TRAPPC9: variants seen among roughly 807,000 people sequenced by gnomAD.
TRAPPC9 encodes the protein IKK2 binding protein.
In TRAPPC9, 83 loss-of-function variants were observed where a neutral mutation model predicts 124.0. The ratio of observed to expected loss-of-function variants is 0.67; its 90% CI spans 0.56 to 0.80. TRAPPC9 has a LOEUF of 0.80. Ranked by LOEUF, TRAPPC9 falls within the 30% of genes least tolerant of loss-of-function variation. TRAPPC9 has a pLI of 0.00. For synonymous variants in TRAPPC9, 638 were observed against 617.5 expected (o/e 1.03, Z -0.49); for missense variants, 1,302 against 1,508.3 (o/e 0.86, Z 2.27).
At chr8:140,373,029 TACCTATG>T (rs937479156) in intron 7 of TRAPPC9, among the ~76,000 whole-genome samples, 5 of 152,228 alleles carry the variant, frequency 3.3e-5, no homozygotes, top group Admixed American at 3.3e-4. Flanking sequence ...CCCCACTGCC[TACCTATG>T]ACCTCACCAG....
chr8:139,846,565 T>G (rs749481726), intron 21 of TRAPPC9, among the ~76,000 whole-genome samples: 4 of 152,146 alleles, frequency 2.6e-5, no homozygotes, highest in Admixed American at 6.5e-5. Flanking sequence ...CCTAAAGAAA[T>G]TCACCCCCAC....
intron 16 of TRAPPC9, among the ~76,000 whole-genome samples, chr8:140,240,576 CTTCTT>C (rs1171137404): frequency 6.6e-6 from 1 of 152,154 alleles, no homozygotes; most frequent in Non-Finnish European, 1.5e-5. Flanking sequence ...GCCAACTTAC[CTTCTT>C]TTATTTTTTG....
intron 21 of TRAPPC9, among the ~76,000 whole-genome samples, chr8:139,842,063 C>T (rs1417584097): frequency 5.3e-5 from 8 of 152,222 alleles, no homozygotes; most frequent in East Asian, 3.8e-4. Flanking sequence ...GGAAAGAGAA[C>T]TCAGCAGAGG....
At chr8:140,093,109 C>A (rs192883851) in intron 17 of TRAPPC9, among the ~76,000 whole-genome samples, 2 of 152,026 alleles carry the variant, frequency 1.3e-5, no homozygotes, top group Admixed American at 1.3e-4. Flanking sequence ...CCCAAACACT[C>A]AAAAATCCTT....
chr8:139,797,523 G>C (rs1051727821), intron 21 of TRAPPC9, among the ~76,000 whole-genome samples: 2 of 152,038 alleles, frequency 1.3e-5, no homozygotes, highest in African/African-American at 4.8e-5. Flanking sequence ...ACCTCCCACA[G>C]TGCTGGGATT....
intron 6 of TRAPPC9, among the ~76,000 whole-genome samples, chr8:140,402,971 T>A (rs1158829680): frequency 1.3e-5 from 2 of 152,168 alleles, no homozygotes; most frequent in Non-Finnish European, 2.9e-5. Flanking sequence ...TAGATAATTA[T>A]AAAAATATTT....
intron 17 of TRAPPC9, among the ~76,000 whole-genome samples, chr8:140,125,260 C>A (rs2061069001): frequency 6.6e-6 from 1 of 152,172 alleles, no homozygotes. Flanking sequence ...AGGGAACCAC[C>A]AAGCTGGGTT....
chr8:140,021,922 T>C (rs1563695731), intron 18 of TRAPPC9, among the ~76,000 whole-genome samples: 2 of 152,214 alleles, frequency 1.3e-5, no homozygotes, highest in African/African-American at 4.8e-5. Flanking sequence ...AAAAGGTGTG[T>C]GCAGAAGCGC....
chr8:139,802,218 G>A (rs960214058), intron 21 of TRAPPC9, among the ~76,000 whole-genome samples: 2 of 152,194 alleles, frequency 1.3e-5, no homozygotes, highest in African/African-American at 4.8e-5. Flanking sequence ...AAATGTACTT[G>A]GAGTGAAGAC....
At chr8:140,141,257 G>A (rs2061378198) in intron 17 of TRAPPC9, among the ~76,000 whole-genome samples, 1 of 152,198 alleles carries the variant, frequency 6.6e-6, no homozygotes, top group Non-Finnish European at 1.5e-5. Context: ...TAAACAATTT[G>A]TAAGTTTTGG....
At chr8:139,784,606 GACATATATAT>G (rs1272760680) in intron 21 of TRAPPC9, among the ~76,000 whole-genome samples, 12 of 30,442 alleles carry the variant, frequency 3.9e-4, no homozygotes, top group African/African-American at 1.1e-3. Context: ...ATAAAAGACT[GACATATATAT>G]ATATATATAT....
intron 17 of TRAPPC9, among the ~76,000 whole-genome samples, chr8:140,085,078 G>A (rs1168893847): frequency 1.3e-5 from 2 of 152,204 alleles, no homozygotes; most frequent in African/African-American, 4.8e-5. Context: ...AGATGGGGGT[G>A]CAGGGAGAGC....
chr8:140,225,041 G>C, intron 16 of TRAPPC9, among the ~76,000 whole-genome samples: 1 of 152,332 alleles, frequency 6.6e-6, no homozygotes, highest in East Asian at 1.9e-4. Flanking sequence ...CACATATACT[G>C]TGAGGTTATA....
Position 140,087,990 on chromosome 8 carries a change from G to C in TRAPPC9, c.2557-63911C>G, listed in dbSNP as rs1844310258. On this transcript the variant is annotated intron_variant, in intron 17 of 22. Coordinates refer to ENST00000438773, the MANE Select transcript of TRAPPC9 (RefSeq NM_001160372.4). The surrounding 1 kb of genome is among the most constrained non-coding windows in gnomAD (Gnocchi z 4.6). ...TCTGCTTGGAAGATGTGGCTTACCA[G>C]AGCCCCTAGCTCTTTAGATGGCTAT... Among the ~76,000 whole-genome samples, 2 of 151,946 alleles carry C rather than the reference G, an allele frequency of 1.3e-5. No individual in the cohort carries two copies. The highest frequency in any genetic ancestry group is 2.4e-5 in the African/African-American group (1 of 41,368).
intron 19 of TRAPPC9, among the ~76,000 whole-genome samples, chr8:139,969,683 A>T (rs554184693): frequency 1.3e-5 from 2 of 152,338 alleles, no homozygotes; most frequent in Admixed American, 1.3e-4. Flanking sequence ...TGTCAGTGGG[A>T]TGCCGTGGAA....
At chr8:140,178,706 A>G (rs980859419) in intron 17 of TRAPPC9, among the ~76,000 whole-genome samples, 7 of 152,090 alleles carry the variant, frequency 4.6e-5, no homozygotes, top group African/African-American at 1.4e-4. Context: ...TTTCCTCTTT[A>G]TTATAATGTG....
intron 21 of TRAPPC9, among the ~76,000 whole-genome samples, chr8:139,785,480 G>C (rs553822485): frequency 6.6e-6 from 1 of 151,844 alleles, no homozygotes; most frequent in South Asian, 2.1e-4. Context: ...AGTGGATCGC[G>C]TGAGGCCAGG....
chr8:140,136,817 C>T (rs1245054977), intron 17 of TRAPPC9, among the ~76,000 whole-genome samples: 1 of 152,164 alleles, frequency 6.6e-6, no homozygotes, highest in African/African-American at 2.4e-5. Flanking sequence ...GGCTGTGCCA[C>T]ACCCTGGGTA....
intron 19 of TRAPPC9, among the ~76,000 whole-genome samples, chr8:139,977,572 C>T (rs1326214602): frequency 1.5e-4 from 22 of 148,246 alleles, no homozygotes; most frequent in African/African-American, 4.5e-4. Context: ...GAGCGGAGAT[C>T]GCGCCACTGC....
Sources: allele counts gnomAD v4.1 joint callset (sites outside exome capture counted in the v4.1 genomes callset), GRCh38; gene constraint gnomAD v4.1.1; non-coding constraint Gnocchi (gnomAD v3.1); transcripts MANE v1.5; gene names NCBI Gene and HGNC (gene_info 2026-07-23, HGNC 2026-07-21).